The following AKAP8L variants were observed in gnomAD, a reference collection of about 807,000 sequenced individuals.
The protein encoded by AKAP8L is A-kinase anchoring protein 8 like.
A neutral mutation model predicts 77.5 loss-of-function variants in AKAP8L; 34 were observed. The observed-to-expected ratio is 0.44, with a 90% confidence interval of 0.33 to 0.58. The LOEUF is 0.58. Among genes scored for constraint, AKAP8L ranks in the 20% least tolerant of loss-of-function variants. AKAP8L has a pLI of 0.02. For missense variants in AKAP8L, 806 were observed against 887.6 expected (o/e 0.91, Z 1.17); for synonymous variants, 342 against 340.7 (o/e 1.00, Z -0.04).
At chr19:15,382,135 A>T (rs765046336) in intron 12 of AKAP8L, 1 of 152,024 alleles carries the variant, frequency 6.6e-6, no homozygotes, top group Non-Finnish European at 1.5e-5. Flanking sequence ...TGGTAAGCAC[A>T]CTGGAACACC....
At chr19:15,412,293 A>C (rs1390684650) in intron 1 of AKAP8L, among the ~76,000 whole-genome samples, 1 of 152,214 alleles carries the variant, frequency 6.6e-6, no homozygotes, top group Non-Finnish European at 1.5e-5. Flanking sequence ...GAGGCAGAAG[A>C]ACTGCTTAAA....
chr19:15,417,010 G>T (rs1045698439), intron 1 of AKAP8L, among the ~76,000 whole-genome samples: 3 of 152,096 alleles, frequency 2.0e-5, no homozygotes, highest in African/African-American at 7.2e-5. Flanking sequence ...AATTACTGTG[G>T]TTTTCAGTTT....
chr19:15,384,016 T>C (rs1967474414), intron 12 of AKAP8L, among the ~76,000 whole-genome samples: 1 of 132,408 alleles, frequency 7.6e-6, no homozygotes, highest in African/African-American at 2.8e-5. Flanking sequence ...CACTGCAACC[T>C]CCACCTCCAA....
rs570839882 is a variant in AKAP8L at position 15,394,429 on chromosome 19, G to A, written c.1536+2721C>T. On this transcript the variant is annotated intron_variant, in intron 12 of 13. Coordinates refer to ENST00000397410, the MANE Select transcript of AKAP8L (RefSeq NM_014371.4). ...CTGGAGGAGGACAAGAGGTTGGGGG[G>A]GCTGATAGCTAAAGGGTTTCTTTTT... Among the ~76,000 whole-genome samples the A allele has an allele frequency of 3.3e-4, 50 of 152,282 alleles. No homozygotes were observed. In the South Asian group the frequency reaches 3.9e-3, roughly 12 times the overall value.
At chr19:15,395,783 G>C (rs1967758080) in intron 12 of AKAP8L, among the ~76,000 whole-genome samples, 1 of 144,406 alleles carries the variant, frequency 6.9e-6, no homozygotes, top group African/African-American at 2.5e-5. Flanking sequence ...AGGAGATCGA[G>C]ACCATCCTGG....
In AKAP8L at chr19:15,399,147, T is replaced by A; in HGVS notation, c.1157+155A>T. 1 of 685,634 alleles carries A rather than the reference T, an allele frequency of 1.5e-6. No individual in the cohort carries two copies. The highest frequency in any genetic ancestry group is 2.8e-5 in the East Asian group (1 of 36,268). The allele number at this position is 685,634 out of a possible 1,614,324, so 42.5% of individuals were successfully genotyped here. On this transcript the variant is annotated intron_variant, in intron 9 of 13. Transcript: ENST00000397410. The surrounding 1 kb of genome is among the most constrained non-coding windows in gnomAD (Gnocchi z 6.1). ...AGGGGATGAGTCAGGCCTTGGGAGC[T>A]GGGCCTGGCGGGAAGCAGGGTCCAT... is the stretch of plus-strand genomic sequence containing the variant.
At position 15,397,111 on chromosome 19, in the gene AKAP8L, C is replaced by T; in HGVS notation, c.1536+39G>A. 1 of 1,607,892 alleles carries T rather than the reference C, an allele frequency of 6.2e-7. No individual in the cohort carries two copies. The highest frequency in any genetic ancestry group is 8.5e-7 in the Non-Finnish European group (1 of 1,175,924). ...AACCTCCCCAGAGGCCTCACTCAAT[C>T]TACCCACAGGACAGAGGGAGAGCAC... On this transcript the variant is annotated intron_variant, in intron 12 of 13. Coordinates refer to ENST00000397410, the MANE Select transcript of AKAP8L (RefSeq NM_014371.4). The surrounding 1 kb of genome is among the most constrained non-coding windows in gnomAD (Gnocchi z 4.7).
At chr19:15,390,662 G>A (rs905856022) in intron 12 of AKAP8L, among the ~76,000 whole-genome samples, 3 of 152,186 alleles carry the variant, frequency 2.0e-5, no homozygotes, top group African/African-American at 7.2e-5. Flanking sequence ...GAATATAGAT[G>A]CAAAAATTCT....
intron 12 of AKAP8L, among the ~76,000 whole-genome samples, chr19:15,389,763 C>T (rs997332212): frequency 6.6e-6 from 1 of 152,100 alleles, no homozygotes; most frequent in Non-Finnish European, 1.5e-5. Flanking sequence ...GACCAAGACT[C>T]CGTCTCAAGA....
intron 12 of AKAP8L, among the ~76,000 whole-genome samples, chr19:15,394,750 C>T (rs1327455296): frequency 2.0e-5 from 3 of 152,070 alleles, no homozygotes; most frequent in Non-Finnish European, 2.9e-5. Flanking sequence ...GTGAATTGTA[C>T]AGTATGTGAT....
In AKAP8L at chr19:15,403,280, G is replaced by A. The variant is rs140717634; in HGVS notation, c.362+195C>T. 3.4e-3 allele frequency: 2,057 copies of A among 601,300 alleles called. 24 individuals carry two copies. The highest frequency in any genetic ancestry group is 0.033 in the African/African-American group (1,790 of 54,012). The allele number at this position is 601,300 out of a possible 1,614,324, so 37.2% of individuals were successfully genotyped here. A position where few individuals can be genotyped will look rare whatever the true frequency, so the allele number is the denominator to read the frequency against. On this transcript the variant is annotated intron_variant, in intron 4 of 13. Coordinates refer to ENST00000397410, the MANE Select transcript of AKAP8L (RefSeq NM_014371.4). This position sits in a 1 kb window ranked among gnomAD's most constrained non-coding sequence, Gnocchi z 4.3. ...GGAAAGGCTGACCACCAGGCAGTGC[G>A]GCAGGGGTTGAGGGTGGGTGAGAGG...
chr19:15,387,093 A>G (rs1427704559), intron 12 of AKAP8L, among the ~76,000 whole-genome samples: 1 of 152,228 alleles, frequency 6.6e-6, no homozygotes, highest in Non-Finnish European at 1.5e-5. Context: ...GACCCTGGGC[A>G]TGGCACACTA....
At position 15,403,754 on chromosome 19, in the gene AKAP8L, C is replaced by A; in HGVS notation, c.122-39G>T. On this transcript the variant is annotated intron_variant, in intron 3 of 13. Transcript: ENST00000397410. This position sits in a 1 kb window ranked among gnomAD's most constrained non-coding sequence, Gnocchi z 4.3. ...GACAGAGACAGACAGATGGTGGGGG[C>A]AGGCAGAGGGGAGGCAGACAGAGAC... 1 of 1,486,212 alleles carries A rather than the reference C, an allele frequency of 6.7e-7. No homozygotes were observed. The allele number at this position is 1,486,212 out of a possible 1,614,324, so 92.1% of individuals were successfully genotyped here. A position where few individuals can be genotyped will look rare whatever the true frequency, so the allele number is the denominator to read the frequency against.
Position 15,380,348 on chromosome 19 carries a change from T to G in AKAP8L, c.1715A>C (p.Gln572Pro), listed in dbSNP as rs1367671536. 1 of 1,548,614 alleles carries G rather than the reference T, an allele frequency of 6.5e-7. No individual in the cohort carries two copies. The highest frequency in any genetic ancestry group is 8.7e-7 in the Non-Finnish European group (1 of 1,151,134). Residue 572 changes from glutamine (Q) to proline (P), a missense_variant, in exon 14 of 14, where the codon CAG becomes CCG. Gln to Pro is a moderately conservative substitution (Grantham distance 76, BLOSUM62 -1). Coordinates refer to ENST00000397410, the MANE Select transcript of AKAP8L (RefSeq NM_014371.4). ...AEGGALDEGA[Q>P]GEAAGISEGA... ...CTCCGAGATCCCTGCCGCTTCGCCC[T>G]GCGCCCCCTCGTCCAGGGCACCGCC...
Position 15,403,907 on chromosome 19 carries a change from GC to G in AKAP8L, c.121+102del. Reference sequence around the variant, plus strand: ...AAGGAGTAGGTAACCCCAGAAACATGCCCCCTCCCCACTCCCAACCTTGGCC... The same window carrying G: ...AAGGAGTAGGTAACCCCAGAAACATGCCCCTCCCCACTCCCAACCTTGGCC... On this transcript the variant is annotated intron_variant, in intron 3 of 13. Transcript: ENST00000397410. This position sits in a 1 kb window ranked among gnomAD's most constrained non-coding sequence, Gnocchi z 4.3. 1 of 1,390,488 alleles carries G rather than the reference GC, an allele frequency of 7.2e-7. No homozygotes were observed. The highest frequency in any genetic ancestry group is 1.2e-5 in the South Asian group (1 of 81,306). 86.1% of individuals were successfully genotyped at this position (1,390,488 alleles called of 1,614,324 possible).
chr19:15,397,938 C>T lies in AKAP8L; in HGVS notation c.1158-83G>A, dbSNP rs770532452. The T allele has an allele frequency of 7.6e-4, 1,163 of 1,528,372 alleles. 1 individual carries two copies. The highest frequency in any genetic ancestry group is 9.2e-4 in the Non-Finnish European group (1,041 of 1,129,028). 94.7% of individuals were successfully genotyped at this position (1,528,372 alleles called of 1,614,324 possible). ...CCGCCTCACCCAACCCAGACACAAG[C>T]CCTGAAACAGGCCTTGCTCACGGGC... is the stretch of plus-strand genomic sequence containing the variant. On this transcript the variant is annotated intron_variant, in intron 9 of 13. Transcript: ENST00000397410. The surrounding 1 kb of genome is among the most constrained non-coding windows in gnomAD (Gnocchi z 4.7).
intron 1 of AKAP8L, among the ~76,000 whole-genome samples, chr19:15,414,056 ATTCTTT>A (rs1968155467): frequency 6.9e-6 from 1 of 144,982 alleles, no homozygotes; most frequent in Non-Finnish European, 1.5e-5. Flanking sequence ...ATTATGAATA[ATTCTTT>A]TTTTTTTTTT....
chr19:15,408,057 G>A (rs1278580539), intron 2 of AKAP8L, among the ~76,000 whole-genome samples: 2 of 152,230 alleles, frequency 1.3e-5, no homozygotes, highest in East Asian at 3.8e-4. Context: ...CACTTTGGGA[G>A]GCCGAGGCAG....
At chr19:15,393,025 G>T (rs933583442) in intron 12 of AKAP8L, among the ~76,000 whole-genome samples, 1 of 151,226 alleles carries the variant, frequency 6.6e-6, no homozygotes, top group South Asian at 2.1e-4. Flanking sequence ...TGGATTAGAA[G>T]ACTTAATAGC....
Sources: allele counts gnomAD v4.1 joint callset (sites outside exome capture counted in the v4.1 genomes callset), GRCh38; gene constraint gnomAD v4.1.1; non-coding constraint Gnocchi (gnomAD v3.1); transcripts MANE v1.5; gene names NCBI Gene and HGNC (gene_info 2026-07-23, HGNC 2026-07-21).